The following TMEM74 variants were observed in gnomAD, a reference collection of about 807,000 sequenced individuals.
TMEM74 encodes the protein transmembrane protein 74.
In TMEM74, 13 loss-of-function variants were observed where a neutral mutation model predicts 18.1. The ratio of observed to expected loss-of-function variants is 0.72; its 90% confidence interval spans 0.47 to 1.14. The LOEUF is 1.14. Ranked by LOEUF, TMEM74 falls within the 50% of genes most tolerant of loss-of-function variation. The pLI is 0.00. For missense variants in TMEM74, 372 were observed against 375.9 expected, an observed-to-expected ratio of 0.99 and a Z score of 0.09; for synonymous variants, 159 against 146.6, an observed-to-expected ratio of 1.08 and a Z score of -0.61.
chr8:108,764,700 G>A (rs1055419827), intron 1 of TMEM74, among the ~76,000 whole-genome samples: 1 of 152,138 alleles, frequency 6.6e-6, no homozygotes, highest in African/African-American at 2.4e-5. Flanking sequence ...TCTGAATGGT[G>A]ACAGAGGGAA....
At chr8:108,690,385 G>T (rs201282782) in intron 1 of TMEM74, among the ~76,000 whole-genome samples, 10 of 149,404 alleles carry the variant, frequency 6.7e-5, no homozygotes, top group African/African-American at 1.5e-4. Flanking sequence ...GTTTTTTTTT[G>T]TTTGTTTTTT....
chr8:108,770,462 T>C (rs573649035), intron 1 of TMEM74, among the ~76,000 whole-genome samples: 1 of 152,236 alleles, frequency 6.6e-6, no homozygotes, highest in East Asian at 1.9e-4. Context: ...CCTAAACTCA[T>C]AAAAACCCCA....
chr8:108,724,519 T>C (rs188914552), intron 1 of TMEM74, among the ~76,000 whole-genome samples: 2 of 152,310 alleles, frequency 1.3e-5, no homozygotes, highest in Non-Finnish European at 2.9e-5. Flanking sequence ...GTAATTAAAG[T>C]ACATAAAGAA....
intron 1 of TMEM74, among the ~76,000 whole-genome samples, 177 bp downstream of exon 1, chr8:108,787,299 G>A (rs879715848): frequency 2.6e-5 from 4 of 152,154 alleles, no homozygotes; most frequent in Non-Finnish European, 5.9e-5. Context: ...CGAGGAATCC[G>A]GCTATCCATT....
intron 1 of TMEM74, among the ~76,000 whole-genome samples, chr8:108,672,274 A>G (rs939884937): frequency 6.6e-6 from 1 of 152,192 alleles, no homozygotes; most frequent in Middle Eastern, 3.2e-3. Context: ...ATTGTTCCTA[A>G]CAGTAGGGGA....
chr8:108,704,661 G>C lies in TMEM74; in HGVS notation n.120-49224C>G, dbSNP rs1039348439. Among the ~76,000 whole-genome samples, 2 of 152,190 alleles carry C rather than the reference G, an allele frequency of 1.3e-5. 1 individual carries two copies. The highest frequency in any genetic ancestry group is 2.9e-5 in the Non-Finnish European group (2 of 68,042). On this transcript the variant is annotated intron_variant and non_coding_transcript_variant, in intron 1 of 3. Transcript: ENST00000518838. Reference sequence around the variant, plus strand: ...AAGACAAAGTCTCTGTTCCCTAGGAGTTATCACTTATTGGAGAAGACAGAA... The same window carrying C: ...AAGACAAAGTCTCTGTTCCCTAGGACTTATCACTTATTGGAGAAGACAGAA...
chr8:108,627,544 C>A (rs186311520), intron 2 of TMEM74, among the ~76,000 whole-genome samples: 1 of 151,994 alleles, frequency 6.6e-6, no homozygotes, highest in Non-Finnish European at 1.5e-5. Context: ...ATACAGTAAG[C>A]ACTCAATAGA....
chr8:108,706,776 G>GGGGT (rs145501229), intron 1 of TMEM74, among the ~76,000 whole-genome samples: 7 of 144,870 alleles, frequency 4.8e-5, no homozygotes, highest in African/African-American at 1.8e-4. Context: ...AATTACAAGG[G>GGGGT]GTGTGTGTGT....
intron 1 of TMEM74, among the ~76,000 whole-genome samples, chr8:108,773,811 G>T (rs951290880): frequency 6.6e-6 from 1 of 152,130 alleles, no homozygotes; most frequent in African/African-American, 2.4e-5. Flanking sequence ...ATCCTCAGTC[G>T]CAGGCAAGCC....
chr8:108,753,068 T>C (rs1041908830), intron 1 of TMEM74, among the ~76,000 whole-genome samples: 2 of 152,132 alleles, frequency 1.3e-5, no homozygotes, highest in Admixed American at 1.3e-4. Flanking sequence ...TTTTCTAAGC[T>C]TCTTCATTTC....
intron 2 of TMEM74, among the ~76,000 whole-genome samples, chr8:108,627,899 A>G (rs919123215): frequency 6.6e-5 from 10 of 151,890 alleles, no homozygotes; most frequent in African/African-American, 2.4e-4. Flanking sequence ...CTAAAAATAC[A>G]AAAACATTAG....
In TMEM74 at chr8:108,779,216, A is replaced by G. The variant is rs1279982122; in HGVS notation, c.*4965T>C. 6.6e-6 allele frequency among the ~76,000 whole-genome samples: 1 copy of G among 152,192 alleles called. No homozygotes were observed. Among genetic ancestry groups the G allele is most frequent in the Non-Finnish European group, 1.5e-5 (1 of 68,030 alleles). On this transcript the variant is annotated 3_prime_UTR_variant, in exon 2 of 2. Coordinates refer to ENST00000297459, the MANE Select transcript of TMEM74 (RefSeq NM_153015.3). Reference sequence around the variant, plus strand: ...TGAAAATATCAAAAAGCACATAATCAATGTCAAATTATTTTTGTTTGGCAA... The same window carrying G: ...TGAAAATATCAAAAAGCACATAATCGATGTCAAATTATTTTTGTTTGGCAA...
intron 1 of TMEM74, among the ~76,000 whole-genome samples, chr8:108,718,814 T>G (rs1338601453): frequency 6.6e-6 from 1 of 152,112 alleles, no homozygotes; most frequent in Non-Finnish European, 1.5e-5. Context: ...AATTGTAGTT[T>G]CTATTCTTAT....
At chr8:108,641,356 A>T (rs1180746399) in intron 2 of TMEM74, among the ~76,000 whole-genome samples, 1 of 152,162 alleles carries the variant, frequency 6.6e-6, no homozygotes, top group Non-Finnish European at 1.5e-5. Context: ...GATACAGTTC[A>T]TTCTCATTTT....
intron 1 of TMEM74, among the ~76,000 whole-genome samples, chr8:108,719,379 A>C (rs949807619): frequency 2.0e-5 from 3 of 152,160 alleles, no homozygotes; most frequent in African/African-American, 7.2e-5. Flanking sequence ...TCCACAATAT[A>C]ATACTTTATT....
At chr8:108,776,909 C>T (rs1229684270), downstream of TMEM74, among the ~76,000 whole-genome samples, 1 of 151,944 alleles carries the variant, frequency 6.6e-6, no homozygotes, top group Non-Finnish European at 1.5e-5. Context: ...ACAATTGGGC[C>T]CAATTCAGTT....
At chr8:108,674,275 T>G (rs897875076) in intron 1 of TMEM74, among the ~76,000 whole-genome samples, 2 of 152,170 alleles carry the variant, frequency 1.3e-5, no homozygotes, top group Admixed American at 6.6e-5. Context: ...TTCATAAGTT[T>G]GTTAAATATT....
chr8:108,724,541 A>G (rs965371717), intron 1 of TMEM74, among the ~76,000 whole-genome samples: 1 of 152,188 alleles, frequency 6.6e-6, no homozygotes, highest in African/African-American at 2.4e-5. Context: ...AACATATACA[A>G]AATTAAGAGA....
intron 1 of TMEM74, among the ~76,000 whole-genome samples, chr8:108,693,642 G>T (rs1456607731): frequency 6.6e-6 from 1 of 152,200 alleles, no homozygotes; most frequent in Admixed American, 6.5e-5. Context: ...TTCCTAAATA[G>T]GTACGGGGTG....
Sources: allele counts gnomAD v4.1 joint callset (sites outside exome capture counted in the v4.1 genomes callset), GRCh38; gene constraint gnomAD v4.1.1; transcripts MANE v1.5; gene names NCBI Gene and HGNC (gene_info 2026-07-23, HGNC 2026-07-21).